The following DYTN variants were observed in gnomAD, a reference collection of about 807,000 sequenced individuals.
DYTN encodes dystrotelin.
In DYTN, 75 loss-of-function variants were observed where a neutral mutation model predicts 69.6. That is an observed-to-expected ratio of 1.08 (90% CI 0.89 to 1.31). The LOEUF (loss-of-function observed/expected upper bound fraction) is 1.31, where lower values mean the gene tolerates loss of function less well. DYTN is among the 50% of genes most tolerant of loss of function. DYTN has a pLI of 0.00. For missense variants in DYTN, 726 were observed against 688.4 expected (o/e 1.05, Z -0.61); for synonymous variants, 252 against 249.1 (o/e 1.01, Z -0.11).
chr2:206,681,907 G>A (rs1699754266), intron 9 of DYTN, among the ~76,000 whole-genome samples: 1 of 152,198 alleles, frequency 6.6e-6, no homozygotes, highest in South Asian at 2.1e-4. Flanking sequence ...AGTTAAGGAG[G>A]AGTCCCTGCT....
At chr2:206,675,265 ATATG>A (rs752236324) in intron 9 of DYTN, among the ~76,000 whole-genome samples, 20 of 140,096 alleles carry the variant, frequency 1.4e-4, no homozygotes, top group Non-Finnish European at 2.7e-4. Context: ...ATATGTGTAT[ATATG>A]TATGTATGTT....
chr2:206,682,040 G>A (rs1699756069), intron 9 of DYTN, among the ~76,000 whole-genome samples: 1 of 152,102 alleles, frequency 6.6e-6, no homozygotes. Context: ...ATTACTTACT[G>A]CCTCAATTTC....
intron 9 of DYTN, among the ~76,000 whole-genome samples, chr2:206,671,763 T>A (rs567470654): frequency 6.6e-6 from 1 of 152,354 alleles, no homozygotes; most frequent in East Asian, 1.9e-4. Flanking sequence ...AAGAATTTCT[T>A]GCACCAGTAT....
In DYTN at chr2:206,699,876, T is replaced by A. The variant is rs771862885; in HGVS notation, c.570A>T (p.Ala190=). 6.2e-7 allele frequency: 1 copy of A among 1,613,324 alleles called. No homozygotes were observed. The highest frequency in any genetic ancestry group is 2.2e-5 in the East Asian group (1 of 44,858). Residue 190 remains alanine, a synonymous_variant, in exon 7 of 12, where the codon GCA becomes GCT. Coordinates refer to ENST00000452335, the MANE Select transcript of DYTN (RefSeq NM_001093730.1). ...AAGACAGGAATTTTTCTTCTTTGAT[T>A]GCTGGGCTCAACACCTGAAAAACAA... ...RSCFQGVLSP[A]IKEEKFLSWV... is the part of the protein sequence containing the mutation.
chr2:206,681,154 T>C (rs1213287187), intron 9 of DYTN, among the ~76,000 whole-genome samples: 1 of 152,196 alleles, frequency 6.6e-6, no homozygotes, highest in Non-Finnish European at 1.5e-5. Flanking sequence ...GGAAGTTCAT[T>C]CATGATTTGG....
At chr2:206,697,407 T>C (rs1699931342) in intron 7 of DYTN, among the ~76,000 whole-genome samples, 1 of 152,208 alleles carries the variant, frequency 6.6e-6, no homozygotes, top group African/African-American at 2.4e-5. Context: ...CTTCTCTTTC[T>C]TTAGAAGGCC....
intron 5 of DYTN, among the ~76,000 whole-genome samples, chr2:206,702,177 C>T (rs557336714): frequency 6.6e-6 from 1 of 152,224 alleles, no homozygotes; most frequent in Non-Finnish European, 1.5e-5. Flanking sequence ...CACTAAGAAC[C>T]TTTTGTGACT....
At chr2:206,665,619 C>A (rs115899252) in intron 10 of DYTN, among the ~76,000 whole-genome samples, 2 of 152,066 alleles carry the variant, frequency 1.3e-5, no homozygotes, top group African/African-American at 2.4e-5. Context: ...AAAAAACCGA[C>A]GCTATAAAGA....
At chr2:206,705,114 T>C in intron 4 of DYTN, 171 bp from the exon 5 acceptor site, 1 of 615,312 alleles carries the variant, frequency 1.6e-6, no homozygotes, top group Non-Finnish European at 2.8e-6. Flanking sequence ...ATTTTGTTTT[T>C]AAATGAGGTT....
chr2:206,694,944 T>G, intron 7 of DYTN, 67 bp from the exon 8 acceptor site: 1 of 1,162,076 alleles, frequency 8.6e-7, no homozygotes, highest in Non-Finnish European at 1.2e-6. Flanking sequence ...AAAAAGAATA[T>G]CCAGGTAGAG....
Position 206,700,363 on chromosome 2 carries a change from A to G in DYTN, c.484-147T>C, listed in dbSNP as rs964530480. The G allele has an allele frequency of 7.2e-6, 6 of 834,908 alleles. No homozygotes were observed. In the African/African-American group the frequency reaches 1.0e-4, roughly 14 times the overall value. 51.7% of individuals were successfully genotyped at this position (834,908 alleles called of 1,614,324 possible). On this transcript the variant is annotated intron_variant, in intron 5 of 11. Coordinates refer to ENST00000452335, the MANE Select transcript of DYTN (RefSeq NM_001093730.1). ...AGGTGAACTGTCTCAATCCAAGAGA[A>G]CAAAGAAATGCGTGGGTTTTGTGCA...
intron 3 of DYTN, among the ~76,000 whole-genome samples, chr2:206,706,463 A>T (rs1700026146): frequency 6.6e-6 from 1 of 151,216 alleles, no homozygotes; most frequent in Admixed American, 6.6e-5. Flanking sequence ...TTGAGAATGT[A>T]TGTATATATT....
chr2:206,683,708 T>C (rs1418272747), intron 9 of DYTN, among the ~76,000 whole-genome samples: 1 of 152,092 alleles, frequency 6.6e-6, no homozygotes, highest in Non-Finnish European at 1.5e-5. Flanking sequence ...CTTGCTGTTC[T>C]TTGAATCCAT....
chr2:206,662,590 A>G (rs984015564), intron 11 of DYTN, among the ~76,000 whole-genome samples: 9 of 151,944 alleles, frequency 5.9e-5, no homozygotes, highest in Non-Finnish European at 8.8e-5. Context: ...CCAGTTATAT[A>G]TGATTTAGGG....
rs1280964986 is a variant in DYTN, at chr2:206,707,344, G to A, written c.254C>T (p.Ala85Val). The A allele has an allele frequency of 2.5e-6, 4 of 1,612,686 alleles. No individual in the cohort carries two copies. The highest frequency in any genetic ancestry group is 3.4e-6 in the Non-Finnish European group (4 of 1,179,502). The stretch of plus-strand genomic sequence containing the variant: ...GAGAAGGCTCAGAGTGAGTTCCGGA[G>A]CTCTGGGATGCACTTGTCCTGGGTT... ...EENPGQVHPR[A>V]PELTLSLLTT... Residue 85 changes from alanine (A) to valine (V), a missense_variant, in exon 3 of 12, where the codon GCT (alanine) becomes GTT (valine). Transcript: ENST00000452335.
chr2:206,664,836 A>T (rs1361817351), intron 10 of DYTN, among the ~76,000 whole-genome samples: 1 of 152,198 alleles, frequency 6.6e-6, no homozygotes, highest in Non-Finnish European at 1.5e-5. Flanking sequence ...CATAAAATGG[A>T]TGAGCATTAG....
At chr2:206,706,771 A>T (rs969456045) in intron 3 of DYTN, among the ~76,000 whole-genome samples, 13 of 152,180 alleles carry the variant, frequency 8.5e-5, no homozygotes, top group African/African-American at 3.1e-4. Context: ...AGCTCAAAAA[A>T]CACACGCACC....
At chr2:206,700,885 G>C (rs1559316058) in intron 5 of DYTN, among the ~76,000 whole-genome samples, 1 of 152,154 alleles carries the variant, frequency 6.6e-6, no homozygotes, top group Non-Finnish European at 1.5e-5. Flanking sequence ...TACTGTGTTA[G>C]TTTGCTGAGA....
intron 9 of DYTN, chr2:206,686,599 T>C (rs1699811573): frequency 1.3e-5 from 2 of 152,282 alleles, no homozygotes; most frequent in Admixed American, 1.3e-4. Context: ...AAATTCCACT[T>C]TGAAGTTGGT....
Sources: gnomAD v4.1 joint callset for allele counts (sites outside exome capture counted in the v4.1 genomes callset) on GRCh38, gnomAD v4.1.1 for gene constraint, MANE v1.5 for transcripts, NCBI Gene and HGNC (gene_info 2026-07-23, HGNC 2026-07-21) for gene names.